ZNF280D: variants seen among roughly 807,000 people sequenced by gnomAD.
The protein encoded by ZNF280D is suppressor of hairy wing homolog 4.
ZNF280D carries 39 observed loss-of-function variants against 94.7 expected under a neutral mutation model. The observed-to-expected ratio is 0.41, with a 90% CI of 0.32 to 0.54. ZNF280D has a LOEUF of 0.54. Ranked by LOEUF, ZNF280D falls within the 20% of genes least tolerant of loss-of-function variation. The pLI, the probability that ZNF280D is intolerant of heterozygous loss-of-function variation, is 0.22. For synonymous variants in ZNF280D, 398 were observed against 377.6 expected (o/e 1.05, Z -0.63); for missense variants, 1,090 against 1,149.3 (o/e 0.95, Z 0.75).
At chr15:56,670,422 A>G (rs2054783926) in intron 13 of ZNF280D, among the ~76,000 whole-genome samples, 1 of 151,684 alleles carries the variant, frequency 6.6e-6, no homozygotes, top group Non-Finnish European at 1.5e-5. Flanking sequence ...TTTAGCTCCC[A>G]CTTATAAATG....
intron 1 of ZNF280D, among the ~76,000 whole-genome samples, chr15:56,729,356 CTG>C (rs1350263836): frequency 6.6e-6 from 1 of 152,198 alleles, no homozygotes; most frequent in Non-Finnish European, 1.5e-5. Context: ...CATTGAACTT[CTG>C]TGAATTTTCA....
intron 19 of ZNF280D, among the ~76,000 whole-genome samples, chr15:56,646,485 G>A (rs553007877): frequency 4.3e-4 from 65 of 152,198 alleles, no homozygotes; most frequent in African/African-American, 1.5e-3. Context: ...ACCATTCACT[G>A]AGACATTCAG....
Position 56,669,909 on chromosome 15 carries a change from ATATAT to A in ZNF280D, c.1411-957_1411-953del, listed in dbSNP as rs1449201850. On this transcript the variant is annotated intron_variant, in intron 13 of 21. Transcript: ENST00000267807. ...TATATTATATATATATATAATATAT[ATATAT>A]TATATATATATTATATATATATTAT... Among the ~76,000 whole-genome samples the A allele has an allele frequency of 8.8e-4, 6 of 6,802 alleles. 2 individuals carry two copies. Among genetic ancestry groups the A allele is most frequent in the African/African-American group, 1.7e-3 (4 of 2,396 alleles). The allele number at this position is 6,802 out of a possible 152,430, so 4.5% of individuals were successfully genotyped here.
intron 19 of ZNF280D, chr15:56,653,410 G>A (rs1483265937): frequency 2.2e-6 from 3 of 1,375,650 alleles, no homozygotes; most frequent in Non-Finnish European, 2.8e-6. Context: ...CCTTATGGGA[G>A]GCCAGCCATG....
chr15:56,702,120 A>C (rs1167498313), intron 4 of ZNF280D, among the ~76,000 whole-genome samples: 1 of 151,842 alleles, frequency 6.6e-6, no homozygotes, highest in African/African-American at 2.4e-5. Flanking sequence ...TAATTCTATA[A>C]AATAATGGTT....
At chr15:56,680,684 C>G (rs2055558380) in intron 10 of ZNF280D, among the ~76,000 whole-genome samples, 2 of 149,462 alleles carry the variant, frequency 1.3e-5, no homozygotes, top group Non-Finnish European at 2.9e-5. Context: ...ACTGTGTTCT[C>G]CAGGCTGGTC....
Position 56,668,862 on chromosome 15 carries a change from T to C in ZNF280D, c.1506A>G (p.Ile502Met), listed in dbSNP as rs1371704821. 1.2e-6 allele frequency: 2 copies of C among 1,610,820 alleles called. No homozygotes were observed. The highest frequency in any genetic ancestry group is 1.7e-6 in the Non-Finnish European group (2 of 1,178,622). ...DHKTQHHRTF[I>M]KPKQLEGLPP... Reference sequence around the variant, plus strand: ...GCAATCCTTCTAGTTGTTTAGGTTTTATAAATGTTCGATGGTGTTGAGTCT... The same window carrying C: ...GCAATCCTTCTAGTTGTTTAGGTTTCATAAATGTTCGATGGTGTTGAGTCT... Residue 502 changes from isoleucine to methionine, a missense_variant, in exon 14 of 22, where the codon ATA (isoleucine) becomes ATG (methionine). Around this residue, in one of 3 missense-constraint regions of ZNF280D, gnomAD observed 577 missense variants for 568.8 expected, o/e 1.01. Coordinates refer to ENST00000267807, the MANE Select transcript of ZNF280D (RefSeq NM_017661.4).
chr15:56,653,587 G>A (rs2053342316), intron 19 of ZNF280D: 1 of 1,493,418 alleles, frequency 6.7e-7, no homozygotes, highest in African/African-American at 1.4e-5. Context: ...AAATCTCTGG[G>A]CTGCTTCTGC....
chr15:56,640,958 G>A (rs921977732), intron 20 of ZNF280D, among the ~76,000 whole-genome samples: 23 of 151,966 alleles, frequency 1.5e-4, no homozygotes, highest in African/African-American at 5.3e-4. Context: ...TAAATCAGAT[G>A]TATTTATACA....
intron 19 of ZNF280D, among the ~76,000 whole-genome samples, chr15:56,649,363 A>G (rs763537681): frequency 6.6e-5 from 10 of 152,142 alleles, no homozygotes; most frequent in Non-Finnish European, 4.4e-5. Flanking sequence ...TGGGTCTCAA[A>G]TTCTCCCTGC....
chr15:56,659,753 G>A (rs2053805527), intron 16 of ZNF280D, among the ~76,000 whole-genome samples: 1 of 151,716 alleles, frequency 6.6e-6, no homozygotes, highest in East Asian at 1.9e-4. Context: ...AAAGGGCAGA[G>A]GAGCTCAGGA....
At chr15:56,662,342 T>C (rs1305758518) in intron 16 of ZNF280D, among the ~76,000 whole-genome samples, 1 of 152,154 alleles carries the variant, frequency 6.6e-6, no homozygotes, top group East Asian at 1.9e-4. Flanking sequence ...TTTGAAAAGA[T>C]CTTACTCCAA....
intron 19 of ZNF280D, among the ~76,000 whole-genome samples, chr15:56,648,493 G>A (rs558014000): frequency 6.6e-6 from 1 of 151,826 alleles, no homozygotes; most frequent in East Asian, 2.0e-4. Flanking sequence ...TGTACACCTG[G>A]AACTACAAGC....
In ZNF280D at chr15:56,667,014, TAA is replaced by T. The variant is rs1359746432; in HGVS notation, c.1546-30_1546-29del. On this transcript the variant is annotated intron_variant, in intron 14 of 21. Transcript: ENST00000267807. ...ACAAAAATAAAGAGAAGATTTGCTT[TAA>T]GAGATTAATCAGTACATTAATATTA... The T allele has an allele frequency of 2.0e-6, 3 of 1,492,920 alleles. No homozygotes were observed. The South Asian group carries it at 4.0e-5, about 20-fold the overall frequency. 92.5% of individuals were successfully genotyped at this position (1,492,920 alleles called of 1,614,324 possible). A position where few individuals can be genotyped will look rare whatever the true frequency, so the allele number is the denominator to read the frequency against.
At chr15:56,715,730 T>A (rs2058007472) in intron 1 of ZNF280D, among the ~76,000 whole-genome samples, 1 of 151,570 alleles carries the variant, frequency 6.6e-6, no homozygotes, top group African/African-American at 2.4e-5. Context: ...AAAAAAAAAA[T>A]TAACAAAAAT....
intron 1 of ZNF280D, among the ~76,000 whole-genome samples, chr15:56,733,213 T>TGCAGCAGCCGAG (rs1278907188): frequency 6.6e-6 from 1 of 152,168 alleles, no homozygotes; most frequent in Non-Finnish European, 1.5e-5. Context: ...GGCCCAGGCC[T>TGCAGCAGCCGAG]GCAGCAGCCG....
intron 9 of ZNF280D, among the ~76,000 whole-genome samples, chr15:56,686,934 T>C (rs1377615508): frequency 2.0e-5 from 3 of 152,130 alleles, no homozygotes; most frequent in African/African-American, 7.2e-5. Flanking sequence ...TTCTAATTAT[T>C]GTAGAATATT....
intron 16 of ZNF280D, among the ~76,000 whole-genome samples, chr15:56,663,932 G>T (rs891276859): frequency 6.6e-6 from 1 of 151,946 alleles, no homozygotes; most frequent in Non-Finnish European, 1.5e-5. Flanking sequence ...ATGAAGAAAT[G>T]ATAAAATTGG....
intron 1 of ZNF280D, among the ~76,000 whole-genome samples, chr15:56,726,956 T>G (rs1039589343): frequency 6.6e-6 from 1 of 152,086 alleles, no homozygotes; most frequent in African/African-American, 2.4e-5. Context: ...GAAGTGAAAC[T>G]CAAACAAGTG....
Sources: allele counts gnomAD v4.1 joint callset (sites outside exome capture counted in the v4.1 genomes callset), GRCh38; gene constraint gnomAD v4.1.1; regional missense constraint gnomAD v4.1.1; transcripts MANE v1.5; gene names NCBI Gene and HGNC (gene_info 2026-07-23, HGNC 2026-07-21).